The following CSMD3 variants were observed in gnomAD, a reference collection of about 807,000 sequenced individuals.
The protein encoded by CSMD3 is CUB and sushi domain-containing protein 3.
In CSMD3, 177 loss-of-function variants were observed where a neutral mutation model predicts 435.2. The ratio of observed to expected loss-of-function variants is 0.41; its 90% CI spans 0.36 to 0.46. CSMD3 has a LOEUF of 0.46. CSMD3 is among the 20% of genes least tolerant of loss of function. The pLI, the probability that CSMD3 is intolerant of heterozygous loss-of-function variation, is 0.34. For synonymous variants in CSMD3, 1,656 were observed against 1,520.5 expected, an observed-to-expected ratio of 1.09 and a Z score of -2.07; for missense variants, 4,265 against 4,504.6, an observed-to-expected ratio of 0.95 and a Z score of 1.52.
At chr8:112,502,495 A>G (rs1242773464) in intron 30 of CSMD3, among the ~76,000 whole-genome samples, 1 of 152,214 alleles carries the variant, frequency 6.6e-6, no homozygotes, top group African/African-American at 2.4e-5. Context: ...GAGATATCGG[A>G]GGACTCCAAG....
chr8:112,345,395 C>T (rs1825569960), intron 41 of CSMD3, among the ~76,000 whole-genome samples: 1 of 151,938 alleles, frequency 6.6e-6, no homozygotes, highest in South Asian at 2.1e-4. Context: ...CACAATGAAA[C>T]ACTATTCAGC....
intron 22 of CSMD3, among the ~76,000 whole-genome samples, chr8:112,599,959 T>G (rs886156488): frequency 6.7e-6 from 1 of 149,918 alleles, no homozygotes; most frequent in Non-Finnish European, 1.5e-5. Context: ...GCATGGCACA[T>G]GTATACACAT....
chr8:113,023,914 C>A (rs551583130), intron 5 of CSMD3, among the ~76,000 whole-genome samples: 160 of 152,180 alleles, frequency 1.1e-3, no homozygotes, highest in Non-Finnish European at 2.0e-3. Context: ...TTTATGATTT[C>A]TTTGTAGTAG....
chr8:113,362,123 G>A (rs944338989), intron 1 of CSMD3, among the ~76,000 whole-genome samples: 1 of 152,078 alleles, frequency 6.6e-6, no homozygotes, highest in Non-Finnish European at 1.5e-5. Flanking sequence ...AACTTGCATT[G>A]AACATACAAG....
At chr8:112,246,888 CATATA>C (rs1563683873) in intron 64 of CSMD3, 127 bp downstream of exon 64, 6 of 715,250 alleles carry the variant, frequency 8.4e-6, no homozygotes, top group Non-Finnish European at 1.3e-5. Flanking sequence ...AAATTATATG[CATATA>C]ATATGTTTTA....
rs1163037325 is a variant in CSMD3 at position 112,776,905 on chromosome 8, C to A, written c.1972+23257G>T. On this transcript the variant is annotated intron_variant, in intron 13 of 70. Coordinates refer to ENST00000297405, the MANE Select transcript of CSMD3 (RefSeq NM_198123.2). Reference sequence around the variant, plus strand: ...ATATACAATTTAATTTATTTTAAATCTCATCATATATTTTTATTGACCTCC... The same window carrying A: ...ATATACAATTTAATTTATTTTAAATATCATCATATATTTTTATTGACCTCC... Among the ~76,000 whole-genome samples, 5 of 151,710 alleles carry A rather than the reference C, an allele frequency of 3.3e-5. No individual in the cohort carries two copies. The South Asian group carries it at 1.0e-3, about 32-fold the overall frequency.
intron 6 of CSMD3, among the ~76,000 whole-genome samples, chr8:113,010,169 A>G (rs935464007): frequency 1.3e-5 from 2 of 151,664 alleles, no homozygotes; most frequent in Non-Finnish European, 3.0e-5. Flanking sequence ...GCACAGCAGA[A>G]GTAGATCCCT....
intron 38 of CSMD3, among the ~76,000 whole-genome samples, chr8:112,355,748 G>C (rs1826537187): frequency 6.6e-6 from 1 of 152,064 alleles, no homozygotes; most frequent in Admixed American, 6.6e-5. Flanking sequence ...CAGGAGAACG[G>C]CATGAACCCA....
At chr8:112,419,434 T>G (rs2130252030) in intron 32 of CSMD3, among the ~76,000 whole-genome samples, 1 of 152,322 alleles carries the variant, frequency 6.6e-6, no homozygotes, top group South Asian at 2.1e-4. Context: ...AATATGTTAT[T>G]AAAAAATTCA....
At chr8:112,309,595 T>C (rs1276677085) in intron 50 of CSMD3, among the ~76,000 whole-genome samples, 4 of 152,134 alleles carry the variant, frequency 2.6e-5, no homozygotes, top group African/African-American at 9.6e-5. Flanking sequence ...GCTGTTTTAA[T>C]ACTTTATTAA....
At chr8:113,316,636 C>T (rs1270898703) in intron 1 of CSMD3, among the ~76,000 whole-genome samples, 1 of 151,534 alleles carries the variant, frequency 6.6e-6, no homozygotes, top group Non-Finnish European at 1.5e-5. Context: ...TGCAACCTCC[C>T]CCTCCTGGGT....
At chr8:112,281,777 A>C (rs80203629) in intron 58 of CSMD3, among the ~76,000 whole-genome samples, 1 of 152,186 alleles carries the variant, frequency 6.6e-6, no homozygotes, top group Non-Finnish European at 1.5e-5. Flanking sequence ...AAAGACAGAT[A>C]CACAATTTTA....
At chr8:112,278,925 C>T (rs1173937996) in intron 59 of CSMD3, among the ~76,000 whole-genome samples, 1 of 151,958 alleles carries the variant, frequency 6.6e-6, no homozygotes, top group African/African-American at 2.4e-5. Context: ...TGATTTGGAA[C>T]TCTCTGGAGG....
At chr8:113,182,161 C>A (rs1323625735) in intron 3 of CSMD3, among the ~76,000 whole-genome samples, 4 of 151,692 alleles carry the variant, frequency 2.6e-5, no homozygotes, top group South Asian at 2.1e-4. Flanking sequence ...ATGGTAATGA[C>A]CTGGAAATTA....
intron 3 of CSMD3, among the ~76,000 whole-genome samples, chr8:113,220,002 C>T (rs937276792): frequency 1.3e-5 from 2 of 151,304 alleles, no homozygotes; most frequent in African/African-American, 4.8e-5. Flanking sequence ...TATAAAATAG[C>T]CTTAAACACG....
intron 24 of CSMD3, among the ~76,000 whole-genome samples, chr8:112,565,952 C>T (rs1829026384): frequency 6.8e-6 from 1 of 147,442 alleles, no homozygotes; most frequent in South Asian, 2.1e-4. Context: ...GTAAATGTAA[C>T]AAAAATAAAA....
At position 112,224,721 on chromosome 8, in the gene CSMD3, T is replaced by C. The variant is rs2129755065; in HGVS notation, c.*50A>G. The C allele has an allele frequency of 1.9e-6, 3 of 1,595,178 alleles. No homozygotes were observed. Among genetic ancestry groups the C allele is most frequent in the Non-Finnish European group, 2.6e-6 (3 of 1,162,746 alleles). On this transcript the variant is annotated 3_prime_UTR_variant, in exon 71 of 71. Transcript: ENST00000297405. Reference sequence around the variant, plus strand: ...GTTTAGCAGTGAACTAAATGTGCACTGTTTTGTGTGTCGATTTCCAAGCTT... The same window carrying C: ...GTTTAGCAGTGAACTAAATGTGCACCGTTTTGTGTGTCGATTTCCAAGCTT...
intron 5 of CSMD3, among the ~76,000 whole-genome samples, chr8:113,065,228 AC>A (rs2088801892): frequency 6.6e-6 from 1 of 152,200 alleles, no homozygotes; most frequent in South Asian, 2.1e-4. Context: ...TTAGGTTGTG[AC>A]AAAAAAATAC....
chr8:112,291,661 A>T lies in CSMD3; in HGVS notation c.8823T>A (p.Asn2941Lys), dbSNP rs1819775777. 1 of 1,612,624 alleles carries T rather than the reference A, an allele frequency of 6.2e-7. No individual in the cohort carries two copies. Among genetic ancestry groups the T allele is most frequent in the Admixed American group, 1.7e-5 (1 of 59,972 alleles). The change falls in exon 56 of 71, where the codon AAT becomes AAA. Residue 2941 changes from asparagine (N) to lysine (K), a missense_variant. Physicochemically the swap from Asn to Lys is moderately conservative, Grantham distance 94. This residue lies in a region of CSMD3 where 3,255 missense variants were observed against 3,380.2 expected (regional missense o/e 0.96). Coordinates refer to ENST00000297405, the MANE Select transcript of CSMD3 (RefSeq NM_198123.2). ...GTTCTATTTTACTTTCTCTTTTAGA[A>T]TTGGCTGGAATTCCAGGATCAGAAC... Reference protein sequence around the residue: ...VNCSDPGIPANSKRESKIEHG... With the variant: ...VNCSDPGIPAKSKRESKIEHG...
Sources: gnomAD v4.1 joint callset for allele counts (sites outside exome capture counted in the v4.1 genomes callset) on GRCh38, gnomAD v4.1.1 for gene constraint, gnomAD v4.1.1 regional missense constraint, MANE v1.5 for transcripts, NCBI Gene and HGNC (gene_info 2026-07-23, HGNC 2026-07-21) for gene names.